The following CSMD3 variants were observed in gnomAD, a reference collection of about 807,000 sequenced individuals.
The protein encoded by CSMD3 is CUB and sushi domain-containing protein 3.
A neutral mutation model predicts 435.2 loss-of-function variants in CSMD3; 177 were observed. The ratio of observed to expected loss-of-function variants is 0.41; its 90% CI spans 0.36 to 0.46. CSMD3 has a LOEUF of 0.46. Among genes scored for constraint, CSMD3 ranks in the 20% least tolerant of loss-of-function variants. The pLI, the probability that CSMD3 is intolerant of heterozygous loss-of-function variation, is 0.34. For missense variants in CSMD3, 4,265 were observed against 4,504.6 expected (o/e 0.95, Z 1.52); for synonymous variants, 1,656 against 1,520.5 (o/e 1.09, Z -2.07).
At position 112,681,518 on chromosome 8, in the gene CSMD3, T is replaced by C. The variant is rs560079555; in HGVS notation, c.2677+924A>G. Among the ~76,000 whole-genome samples the C allele has an allele frequency of 2.6e-5, 4 of 152,252 alleles. No individual in the cohort carries two copies. In the South Asian group the frequency reaches 8.3e-4, roughly 32 times the overall value. ...ATGTAATTGATGTTTTACTTTTAAT[T>C]ATGATCATCCTTCCTTCTTACCAAC... On this transcript the variant is annotated intron_variant, in intron 16 of 70. Transcript: ENST00000297405.
intron 4 of CSMD3, among the ~76,000 whole-genome samples, chr8:113,172,541 A>G (rs532015395): frequency 2.6e-4 from 40 of 152,268 alleles, no homozygotes; most frequent in African/African-American, 9.1e-4. Context: ...TATCTTATTT[A>G]ATCCTCACAA....
intron 6 of CSMD3, among the ~76,000 whole-genome samples, chr8:112,989,061 T>C (rs1251043901): frequency 1.3e-5 from 2 of 152,034 alleles, no homozygotes; most frequent in East Asian, 3.9e-4. Flanking sequence ...GCTTAGTTTA[T>C]GCCAGAGGCT....
intron 1 of CSMD3, among the ~76,000 whole-genome samples, chr8:113,395,253 T>G (rs2094477853): frequency 6.6e-6 from 1 of 152,174 alleles, no homozygotes; most frequent in Non-Finnish European, 1.5e-5. Flanking sequence ...GCTTCCATAA[T>G]GAGATAGTGA....
rs771417266 is a variant in CSMD3, at chr8:112,247,024, G to A, written c.10218C>T (p.Cys3406=). ...TTTCTTATCCATAATACTTACGTAT[G>A]CATTCAGGCTGAATCCCACTCCACG... ...DLTWSGIQPE[C]IPHSCKQPET... Residue 3406 remains cysteine (C), a synonymous_variant, in exon 64 of 71, where the codon TGC becomes TGT. Coordinates refer to ENST00000297405, the MANE Select transcript of CSMD3 (RefSeq NM_198123.2). 3.7e-6 allele frequency: 6 copies of A among 1,603,146 alleles called. No individual in the cohort carries two copies. Among genetic ancestry groups the A allele is most frequent in the Non-Finnish European group, 5.1e-6 (6 of 1,170,126 alleles).
At chr8:112,571,195 C>A (rs534361518) in intron 24 of CSMD3, among the ~76,000 whole-genome samples, 1 of 151,580 alleles carries the variant, frequency 6.6e-6, no homozygotes, top group Admixed American at 6.6e-5. Context: ...TTAGTAGAGA[C>A]GGGGTTTCTT....
chr8:112,898,016 T>C (rs930552038), intron 10 of CSMD3, among the ~76,000 whole-genome samples: 1 of 151,168 alleles, frequency 6.6e-6, no homozygotes, highest in African/African-American at 2.4e-5. Flanking sequence ...GTCTTTATAT[T>C]TGCCAACCAG....
chr8:113,099,377 T>C (rs560339569), intron 4 of CSMD3, among the ~76,000 whole-genome samples: 31 of 152,150 alleles, frequency 2.0e-4, no homozygotes, highest in Non-Finnish European at 3.2e-4. Context: ...GGTTTTTCAA[T>C]GCAAGTATGT....
chr8:112,701,698 T>G (rs893776416), intron 13 of CSMD3, among the ~76,000 whole-genome samples: 2 of 152,156 alleles, frequency 1.3e-5, no homozygotes, highest in Admixed American at 6.5e-5. Context: ...TTCGACTTCC[T>G]TACCATAGAG....
At chr8:112,420,208 A>G (rs1364986494) in intron 32 of CSMD3, among the ~76,000 whole-genome samples, 1 of 152,130 alleles carries the variant, frequency 6.6e-6, no homozygotes, top group African/African-American at 2.4e-5. Context: ...CACCCATGAA[A>G]CCATCACCCA....
chr8:113,433,447 C>A (rs1324721006), intron 1 of CSMD3, among the ~76,000 whole-genome samples: 5 of 152,174 alleles, frequency 3.3e-5, no homozygotes, highest in Admixed American at 3.3e-4. Context: ...ATAAGACACC[C>A]GCGCCCCTCT....
chr8:113,435,660 T>G (rs1445670159), intron 1 of CSMD3, among the ~76,000 whole-genome samples: 1 of 151,676 alleles, frequency 6.6e-6, no homozygotes, highest in Non-Finnish European at 1.5e-5. Flanking sequence ...GAAACTAGCT[T>G]CACTGAAAGC....
intron 4 of CSMD3, among the ~76,000 whole-genome samples, chr8:113,150,197 G>A (rs2091774883): frequency 6.6e-6 from 1 of 151,906 alleles, no homozygotes; most frequent in Admixed American, 6.6e-5. Context: ...GAATACAATG[G>A]TATATCACTT....
intron 1 of CSMD3, among the ~76,000 whole-genome samples, chr8:113,350,822 G>A (rs911849020): frequency 6.6e-6 from 1 of 152,074 alleles, no homozygotes; most frequent in Non-Finnish European, 1.5e-5. Context: ...TTTGACTTCT[G>A]ATTTGTTTCT....
chr8:113,194,437 C>T (rs997363877), intron 3 of CSMD3, among the ~76,000 whole-genome samples: 9 of 151,058 alleles, frequency 6.0e-5, no homozygotes, highest in Admixed American at 4.6e-4. Context: ...GATTTTTAGA[C>T]CAGTAAAACC....
intron 13 of CSMD3, among the ~76,000 whole-genome samples, chr8:112,785,990 A>G (rs2078528266): frequency 6.6e-6 from 1 of 152,094 alleles, no homozygotes; most frequent in African/African-American, 2.4e-5. Context: ...AGCAAAAAGA[A>G]CAAATCTAGA....
chr8:113,302,238 TAATATA>T, intron 2 of CSMD3, among the ~76,000 whole-genome samples: 1 of 102,528 alleles, frequency 9.8e-6, no homozygotes, highest in Admixed American at 1.1e-4. Flanking sequence ...ATATAATATA[TAATATA>T]ATATATATTA....
At chr8:112,805,198 C>T (rs2079055655) in intron 12 of CSMD3, among the ~76,000 whole-genome samples, 1 of 152,082 alleles carries the variant, frequency 6.6e-6, no homozygotes, top group Admixed American at 6.6e-5. Context: ...TTCTATATTC[C>T]ATAGGGAGTG....
intron 1 of CSMD3, among the ~76,000 whole-genome samples, chr8:113,319,345 T>C (rs775857924): frequency 2.0e-5 from 3 of 152,048 alleles, no homozygotes; most frequent in African/African-American, 7.2e-5. Context: ...CTTTTTGCCA[T>C]TTTATAGCTT....
At chr8:112,429,061 C>T (rs1187301549) in intron 32 of CSMD3, among the ~76,000 whole-genome samples, 1 of 152,002 alleles carries the variant, frequency 6.6e-6, no homozygotes, top group African/African-American at 2.4e-5. Context: ...CATTTTACAA[C>T]CACTCTCAGA....
Sources: allele counts gnomAD v4.1 joint callset (sites outside exome capture counted in the v4.1 genomes callset), GRCh38; gene constraint gnomAD v4.1.1; transcripts MANE v1.5; gene names NCBI Gene and HGNC (gene_info 2026-07-23, HGNC 2026-07-21).